NOTCH1: variants seen among roughly 807,000 people sequenced by gnomAD.
NOTCH1 encodes neurogenic locus notch homolog protein 1.
A neutral mutation model predicts 254.8 loss-of-function variants in NOTCH1; 37 were observed. That is an observed-to-expected ratio of 0.15 (90% CI 0.11 to 0.19). The LOEUF (loss-of-function observed/expected upper bound fraction) is 0.19. Among genes scored for constraint, NOTCH1 ranks in the 10% least tolerant of loss-of-function variants. The pLI is 1.00. For synonymous variants in NOTCH1, 1,731 were observed against 1,618.1 expected (o/e 1.07, Z -1.68); for missense variants, 2,972 against 3,708.6 (o/e 0.80, Z 5.16).
rs376726823 is a variant in NOTCH1, at chr9:136,515,517, G to C, written c.1869C>G (p.Asn623Lys). The change falls in exon 11 of 34, where the codon AAC becomes AAG. Residue 623 changes from asparagine (N) to lysine (K), a missense_variant. Asn to Lys is a moderately conservative substitution (Grantham distance 94). Around this residue, in one of 8 missense-constraint regions of NOTCH1, gnomAD observed 1,343 missense variants for 1,557.0 expected, o/e 0.86. Coordinates refer to ENST00000651671, the MANE Select transcript of NOTCH1 (RefSeq NM_017617.5). ...CCTTCAGGCAGAAGCAGAGGTAGGC[G>C]TTGTCGCGGTCCTGGCAGGTGCCCC... ...RHGGTCQDRD[N>K]AYLCFCLKGT... The C allele has an allele frequency of 6.2e-7, 1 of 1,611,870 alleles. No homozygotes were observed. The highest frequency in any genetic ancestry group is 8.5e-7 in the Non-Finnish European group (1 of 1,179,800).
chr9:136,502,946 A>G (rs1186005868), intron 27 of NOTCH1: 1 of 695,024 alleles, frequency 1.4e-6, no homozygotes, highest in Non-Finnish European at 2.6e-6. Flanking sequence ...GGAGAGAAGC[A>G]GGCACCCACT....
At chr9:136,519,360 C>T in intron 5 of NOTCH1, 83 bp downstream of exon 5, 1 of 1,580,392 alleles carries the variant, frequency 6.3e-7, no homozygotes, top group Non-Finnish European at 8.6e-7. Context: ...CGGCTGCTCC[C>T]CGCTATGCCT....
rs2133335992 is a variant in NOTCH1, at chr9:136,504,758, G to A, written c.4933C>T (p.Leu1645=). 2 of 1,548,828 alleles carry A rather than the reference G, an allele frequency of 1.3e-6. No homozygotes were observed. Among genetic ancestry groups the A allele is most frequent in the South Asian group, 1.2e-5 (1 of 84,088 alleles). ...AGCAGCGAGGCCTTCACCTGGCCCAGCAGGGCGTCAGGTGCGGCCCAGCCC... is the reference window on the plus strand; with the variant it reads ...AGCAGCGAGGCCTTCACCTGGCCCAACAGGGCGTCAGGTGCGGCCCAGCCC... ...AEGWAAPDAL[L]GQVKASLLPG... Residue 1645 remains leucine, a synonymous_variant, in exon 26 of 34, where the codon CTG becomes TTG. Coordinates refer to ENST00000651671, the MANE Select transcript of NOTCH1 (RefSeq NM_017617.5).
At position 136,496,624 on chromosome 9, in the gene NOTCH1, C is replaced by G. The variant is rs373119531; in HGVS notation, c.7115G>C (p.Arg2372Pro). 6.2e-7 allele frequency: 1 copy of G among 1,612,970 alleles called. No homozygotes were observed. The highest frequency in any genetic ancestry group is 1.3e-5 in the African/African-American group (1 of 74,918). Residue 2372 changes from arginine to proline, a missense_variant, in exon 34 of 34, where the codon CGG becomes CCG. Transcript: ENST00000651671. ...CACCAGGTGAGGCTGGGTGGCCAGCCGGGTGCTGGGCAGGCCCTGGTAGCT... is the reference window on the plus strand; with the variant it reads ...CACCAGGTGAGGCTGGGTGGCCAGCGGGGTGCTGGGCAGGCCCTGGTAGCT... ...MMSYQGLPST[R>P]LATQPHLVQT...
chr9:136,497,447 G>T lies in NOTCH1; in HGVS notation c.6292C>A (p.Arg2098Ser). The T allele has an allele frequency of 6.2e-7, 1 of 1,612,366 alleles. No individual in the cohort carries two copies. ...DITDHMDRLP[R>S]DIAQERMHHD... ...TGCATGCGCTCCTGTGCGATGTCGC[G>T]CGGCAGGCGGTCCATATGATCCGTG... The change falls in exon 34 of 34, where the codon CGC (arginine) becomes AGC (serine). Residue 2098 changes from arginine (R) to serine (S), a missense_variant. By Grantham distance (110) the Arg-to-Ser change is moderately radical (BLOSUM62 -1). Transcript: ENST00000651671.
intron 2 of NOTCH1, among the ~76,000 whole-genome samples, chr9:136,525,335 C>T (rs899503817): frequency 6.6e-6 from 1 of 152,236 alleles, no homozygotes; most frequent in Non-Finnish European, 1.5e-5. Context: ...CCTGCCCCCC[C>T]CAGCCACCTG....
intron 27 of NOTCH1, 143 bp downstream of exon 27, chr9:136,503,039 T>C (rs1197234115): frequency 8.0e-7 from 1 of 1,251,532 alleles, no homozygotes; most frequent in Non-Finnish European, 1.1e-6. Flanking sequence ...ATTCAGAAAA[T>C]TCCAGAAAAG....
At chr9:136,518,486 A>G in intron 6 of NOTCH1, 105 bp downstream of exon 6, 2 of 1,185,024 alleles carry the variant, frequency 1.7e-6, no homozygotes, top group Admixed American at 2.0e-5. Context: ...AGGCCCTTTC[A>G]GGTTATCCTG....
At position 136,496,553 on chromosome 9, in the gene NOTCH1, TCTG is replaced by T; in HGVS notation, c.7183_7185del (p.Gln2395del). ...TGCTGGATGTTTGCTGGCTGCAGGT[TCTG>T]CTGCTGCATCTGTAAGTTTTGTGGC... On this transcript the variant is annotated inframe_deletion, in exon 34 of 34. Transcript: ENST00000651671. 1 of 1,610,264 alleles carries T rather than the reference TCTG, an allele frequency of 6.2e-7. No homozygotes were observed. Among genetic ancestry groups the T allele is most frequent in the Non-Finnish European group, 8.5e-7 (1 of 1,179,970 alleles).
chr9:136,495,404 T>C lies in NOTCH1; in HGVS notation c.*667A>G. On this transcript the variant is annotated 3_prime_UTR_variant, in exon 34 of 34. Transcript: ENST00000651671. The stretch of plus-strand genomic sequence containing the variant: ...TGGCATACACACTCCGAGAACACAT[T>C]TTCACAAGCATGCTTGCAAGAAACC... The C allele has an allele frequency of 2.5e-6, 1 of 398,966 alleles. No individual in the cohort carries two copies. The highest frequency in any genetic ancestry group is 3.5e-5 in the East Asian group (1 of 28,228). The allele number at this position is 398,966 out of a possible 1,614,324, so 24.7% of individuals were successfully genotyped here.
chr9:136,530,747 G>A (rs879891214), intron 2 of NOTCH1, among the ~76,000 whole-genome samples: 1 of 152,220 alleles, frequency 6.6e-6, no homozygotes, highest in African/African-American at 2.4e-5. Flanking sequence ...AACCTCTTGA[G>A]TTGGAGAGGC....
rs1842914985 is a variant in NOTCH1, at chr9:136,496,420, T to C, written c.7319A>G (p.Gln2440Arg). Reference sequence around the variant, plus strand: ...GGGGCCCAGTGGCTGCACGTCTGCCTGGCTCGGCTCTCCACTCAGGAAGCT... The same window carrying C: ...GGGGCCCAGTGGCTGCACGTCTGCCCGGCTCGGCTCTCCACTCAGGAAGCT... ...GRSFLSGEPSQADVQPLGPSS... is the reference protein window; with the variant it reads ...GRSFLSGEPSRADVQPLGPSS... Residue 2440 changes from glutamine to arginine, a missense_variant, in exon 34 of 34, where the codon CAG becomes CGG. This residue lies in a region of NOTCH1 where 529 missense variants were observed against 529.2 expected (regional missense o/e 1.00). Coordinates refer to ENST00000651671, the MANE Select transcript of NOTCH1 (RefSeq NM_017617.5). 3.1e-6 allele frequency: 5 copies of C among 1,599,506 alleles called. No homozygotes were observed. Among genetic ancestry groups the C allele is most frequent in the Non-Finnish European group, 4.2e-6 (5 of 1,179,638 alleles).
chr9:136,501,977 G>C (rs772638537), intron 29 of NOTCH1, 24 bp downstream of exon 29: 39 of 1,611,722 alleles, frequency 2.4e-5, no homozygotes, highest in Non-Finnish European at 3.1e-5. Context: ...GGGAGCCCAG[G>C]AGCCCGGGAG....
chr9:136,518,120 C>G lies in NOTCH1; in HGVS notation c.1255+17G>C, dbSNP rs921646188. ...CTGCCACCCCCACCTGGCCGCACCCCCTGTGCTGGCACCTACCCAGCGAGC... is the reference window on the plus strand; with the variant it reads ...CTGCCACCCCCACCTGGCCGCACCCGCTGTGCTGGCACCTACCCAGCGAGC... On this transcript the variant is annotated intron_variant, in intron 7 of 33. Coordinates refer to ENST00000651671, the MANE Select transcript of NOTCH1 (RefSeq NM_017617.5). The G allele has an allele frequency of 1.9e-6, 3 of 1,576,612 alleles. No individual in the cohort carries two copies. The Admixed American group carries it at 5.4e-5, about 28-fold the overall frequency.
intron 2 of NOTCH1, among the ~76,000 whole-genome samples, chr9:136,533,562 C>G (rs922144882): frequency 6.6e-6 from 1 of 152,212 alleles, no homozygotes; most frequent in African/African-American, 2.4e-5. Context: ...CTCGACGGCC[C>G]GGCAAGCCCA....
rs996279093 is a variant in NOTCH1 at position 136,543,866 on chromosome 9, T to C, written c.140+158A>G. 2.5e-5 allele frequency: 19 copies of C among 752,778 alleles called. No homozygotes were observed. The Admixed American group carries it at 3.2e-4, about 13-fold the overall frequency. 46.6% of individuals were successfully genotyped at this position (752,778 alleles called of 1,614,324 possible). A position where few individuals can be genotyped will look rare whatever the true frequency, so the allele number is the denominator to read the frequency against. On this transcript the variant is annotated intron_variant, in intron 2 of 33. Transcript: ENST00000651671. ...AGCATAATTGCTGGTGATTAAGTAA[T>C]TGCCAGACTTTGTCCAATAAAAGTC...
At chr9:136,505,172 C>G (rs2133338158) in intron 25 of NOTCH1, 68 bp from the exon 26 acceptor site, 1 of 1,555,356 alleles carries the variant, frequency 6.4e-7, no homozygotes, top group South Asian at 1.1e-5. Flanking sequence ...CCGGTGCCTC[C>G]AGCCCACTGG....
At chr9:136,512,234 C>G (rs1345070236) in intron 15 of NOTCH1, among the ~76,000 whole-genome samples, 2 of 152,204 alleles carry the variant, frequency 1.3e-5, no homozygotes, top group Non-Finnish European at 2.9e-5. Flanking sequence ...AACCCAGGTC[C>G]TTAACTTCGG....
At chr9:136,522,738 T>C (rs1589071728) in intron 4 of NOTCH1, 112 bp downstream of exon 4, 1 of 1,067,912 alleles carries the variant, frequency 9.4e-7, no homozygotes, top group South Asian at 1.7e-5. Flanking sequence ...CCTTCCCAAC[T>C]CCCCGCCATG....
Sources: allele counts gnomAD v4.1 joint callset (sites outside exome capture counted in the v4.1 genomes callset), GRCh38; gene constraint gnomAD v4.1.1; regional missense constraint gnomAD v4.1.1; transcripts MANE v1.5; gene names NCBI Gene and HGNC (gene_info 2026-07-23, HGNC 2026-07-21).